Variants in INPP1 observed in about 807,000 individuals in gnomAD.
The protein encoded by INPP1 is inositol polyphosphate-1-phosphatase.
INPP1 carries 18 observed loss-of-function variants against 23.0 expected under a neutral mutation model. The observed-to-expected ratio is 0.78, with a 90% CI of 0.54 to 1.16. The LOEUF (loss-of-function observed/expected upper bound fraction) is 1.16. INPP1 is among the 50% of genes most tolerant of loss of function. The pLI, the probability that INPP1 is intolerant of heterozygous loss-of-function variation, is 0.00. For synonymous variants in INPP1, 164 were observed against 176.3 expected (o/e 0.93, Z 0.55); for missense variants, 448 against 482.1 (o/e 0.93, Z 0.66).
intron 2 of INPP1, among the ~76,000 whole-genome samples, chr2:190,351,933 T>A (rs566351482): frequency 4.6e-5 from 7 of 152,336 alleles, no homozygotes; most frequent in African/African-American, 1.7e-4. Flanking sequence ...TCATAAGAGT[T>A]TCTGTTGCTC....
rs1209471425 is a variant in INPP1, at chr2:190,346,147, TA to T, written c.-209+2190del. Among the ~76,000 whole-genome samples the T allele has an allele frequency of 6.6e-6, 1 of 152,186 alleles. No individual in the cohort carries two copies. Among genetic ancestry groups the T allele is most frequent in the African/African-American group, 2.4e-5 (1 of 41,446 alleles). ...GAGTGGGTAGAGTATAATAGTGGTT[TA>T]AAAGATTCCCAGATTGCAACTTGAG... On this transcript the variant is annotated intron_variant, in intron 1 of 6. Transcript: ENST00000392329. The surrounding 1 kb of genome is among the most constrained non-coding windows in gnomAD (Gnocchi z 5.1).
In INPP1 at chr2:190,345,095, G is replaced by A. The variant is rs1025241426; in HGVS notation, c.-209+1134G>A. ...TGGAAGAATTCATTTTTTCAATACA[G>A]ATATTTGTTTCCATTCTTATGTAGA... On this transcript the variant is annotated intron_variant, in intron 1 of 6. Coordinates refer to ENST00000392329, the MANE Select transcript of INPP1 (RefSeq NM_001128928.2). This position sits in a 1 kb window ranked among gnomAD's most constrained non-coding sequence, Gnocchi z 4.9. Among the ~76,000 whole-genome samples the A allele has an allele frequency of 1.3e-5, 2 of 152,186 alleles. No individual in the cohort carries two copies. The highest frequency in any genetic ancestry group is 1.3e-4 in the Admixed American group (2 of 15,276).
In INPP1 at chr2:190,368,158, T is replaced by C. The variant is rs558799950; in HGVS notation, c.467-945T>C. The stretch of plus-strand genomic sequence containing the variant: ...GTAAATTGGCATCAGTTATAGTTTC[T>C]GAGGGACAGAGATCTCCTGTTTCTT... On this transcript the variant is annotated intron_variant, in intron 5 of 6. Transcript: ENST00000392329. The surrounding 1 kb of genome is among the most constrained non-coding windows in gnomAD (Gnocchi z 4.3). Among the ~76,000 whole-genome samples, 4 of 152,372 alleles carry C rather than the reference T, an allele frequency of 2.6e-5. No homozygotes were observed. The highest frequency in any genetic ancestry group is 9.6e-5 in the African/African-American group (4 of 41,604).
chr2:190,357,523 C>T (rs531239247), intron 2 of INPP1, among the ~76,000 whole-genome samples: 8 of 152,284 alleles, frequency 5.3e-5, no homozygotes, highest in African/African-American at 1.7e-4. Context: ...AACATTAGTG[C>T]ATTGACATAT....
chr2:190,364,757 C>A (rs1282527584), intron 4 of INPP1, among the ~76,000 whole-genome samples: 1 of 151,664 alleles, frequency 6.6e-6, no homozygotes, highest in Non-Finnish European at 1.5e-5. Flanking sequence ...CCTGCCACCA[C>A]GCCTAGCTAA....
At chr2:190,353,635 G>A (rs1310177543) in intron 2 of INPP1, among the ~76,000 whole-genome samples, 2 of 152,154 alleles carry the variant, frequency 1.3e-5, no homozygotes, top group African/African-American at 2.4e-5. Context: ...TCACTGCAAG[G>A]TAACTATTAA....
intron 1 of INPP1, among the ~76,000 whole-genome samples, chr2:190,344,685 C>T (rs1689182132): frequency 6.6e-6 from 1 of 152,178 alleles, no homozygotes; most frequent in East Asian, 1.9e-4. Context: ...AAAGGAAACG[C>T]TTACTTTAGT....
Position 190,366,725 on chromosome 2 carries a change from CAG to C in INPP1, c.299_300del (p.Glu100GlyfsTer8), listed in dbSNP as rs758850283. On this transcript the variant is annotated frameshift_variant, in exon 5 of 7. Coordinates refer to ENST00000392329, the MANE Select transcript of INPP1 (RefSeq NM_001128928.2). LOFTEE classifies it high-confidence loss of function. ...AAGATTACCTTGAGGTTGTGTTCAACAGAGGAGGAAACAGCAGAGCTTCTTAG... is the reference window on the plus strand; with the variant it reads ...AAGATTACCTTGAGGTTGTGTTCAACAGGAGGAAACAGCAGAGCTTCTTAG... 2 of 1,613,156 alleles carry C rather than the reference CAG, an allele frequency of 1.2e-6. No individual in the cohort carries two copies. Among genetic ancestry groups the C allele is most frequent in the Non-Finnish European group, 1.7e-6 (2 of 1,179,156 alleles).
In INPP1 at chr2:190,346,437, T is replaced by A. The variant is rs1689217071; in HGVS notation, c.-208-2451T>A. Among the ~76,000 whole-genome samples, 1 of 152,228 alleles carries A rather than the reference T, an allele frequency of 6.6e-6. No individual in the cohort carries two copies. The highest frequency in any genetic ancestry group is 2.1e-4 in the South Asian group (1 of 4,832). ...TTATATTTTTTTCTGGTCAAGCTTC[T>A]GCTGATCAAATTTAGCAAACATATT... On this transcript the variant is annotated intron_variant, in intron 1 of 6. Transcript: ENST00000392329. This position sits in a 1 kb window ranked among gnomAD's most constrained non-coding sequence, Gnocchi z 5.1.
chr2:190,359,482 G>A (rs2067398), intron 2 of INPP1, among the ~76,000 whole-genome samples: 32,863 of 150,716 alleles, frequency 0.22, 3,916 homozygotes, highest in East Asian at 0.41. Flanking sequence ...GCGTGAACCC[G>A]GGAGGTGGAG....
Position 190,355,828 on chromosome 2 carries a change from G to T in INPP1, c.-64-4211G>T, listed in dbSNP as rs1037016420. 2.6e-5 allele frequency among the ~76,000 whole-genome samples: 4 copies of T among 152,064 alleles called. No homozygotes were observed. The highest frequency in any genetic ancestry group is 5.9e-5 in the Non-Finnish European group (4 of 68,022). On this transcript the variant is annotated intron_variant, in intron 2 of 6. Coordinates refer to ENST00000392329, the MANE Select transcript of INPP1 (RefSeq NM_001128928.2). This position sits in a 1 kb window ranked among gnomAD's most constrained non-coding sequence, Gnocchi z 5.1. ...CTTCATCACGCAGTTATCAAGCCTA[G>T]TACCCATTAGTGATGAAAGAATCTG...
chr2:190,349,128 G>C (rs747128405), intron 2 of INPP1, 97 bp downstream of exon 2: 1 of 152,206 alleles, frequency 6.6e-6, no homozygotes, highest in African/African-American at 2.4e-5. Context: ...AATGAAAAAT[G>C]TTACATTCAA....
chr2:190,352,007 A>G lies in INPP1; in HGVS notation c.-65+2976A>G, dbSNP rs902631181. ...ATTTTAGCTATTCCATTGGATACATAGTGGCACCCTGTTGAGATTTTAAGT... is the reference window on the plus strand; with the variant it reads ...ATTTTAGCTATTCCATTGGATACATGGTGGCACCCTGTTGAGATTTTAAGT... On this transcript the variant is annotated intron_variant, in intron 2 of 6. Transcript: ENST00000392329. The surrounding 1 kb of genome is among the most constrained non-coding windows in gnomAD (Gnocchi z 4.7). 6.6e-6 allele frequency among the ~76,000 whole-genome samples: 1 copy of G among 152,246 alleles called. No individual in the cohort carries two copies. Among genetic ancestry groups the G allele is most frequent in the Non-Finnish European group, 1.5e-5 (1 of 68,040 alleles).
chr2:190,370,794 A>G (rs1689784938), intron 6 of INPP1, 50 bp from the exon 7 acceptor site: 3 of 1,353,604 alleles, frequency 2.2e-6, no homozygotes, highest in Non-Finnish European at 3.1e-6. Flanking sequence ...GACATGAGTA[A>G]TGAAAAACAA....
chr2:190,355,949 T>G lies in INPP1; in HGVS notation c.-64-4090T>G, dbSNP rs1689412796. Among the ~76,000 whole-genome samples the G allele has an allele frequency of 2.7e-5, 4 of 150,506 alleles. No individual in the cohort carries two copies. The highest frequency in any genetic ancestry group is 9.9e-5 in the African/African-American group (4 of 40,236). On this transcript the variant is annotated intron_variant, in intron 2 of 6. Coordinates refer to ENST00000392329, the MANE Select transcript of INPP1 (RefSeq NM_001128928.2). The surrounding 1 kb of genome is among the most constrained non-coding windows in gnomAD (Gnocchi z 5.1). ...AAGTTGAAAAAATAAATAAATTAAT[T>G]AAAAAATCATCTGAAAGATAATTTC...
At chr2:190,351,322 T>A (rs1195131892) in intron 2 of INPP1, among the ~76,000 whole-genome samples, 1 of 152,228 alleles carries the variant, frequency 6.6e-6, no homozygotes, top group Non-Finnish European at 1.5e-5. Context: ...CATACATTTT[T>A]AAAAAACAAA....
At chr2:190,364,893 C>T (rs1188292009) in intron 4 of INPP1, among the ~76,000 whole-genome samples, 5 of 152,012 alleles carry the variant, frequency 3.3e-5, no homozygotes, top group Non-Finnish European at 7.4e-5. Context: ...CATGAGCCAC[C>T]ACGCTCAGCC....
At chr2:190,362,587 G>T (rs1201154593) in intron 3 of INPP1, 40 bp from the exon 4 acceptor site, 1 of 1,308,694 alleles carries the variant, frequency 7.6e-7, no homozygotes, top group Non-Finnish European at 1.1e-6. Flanking sequence ...CATATGTGTG[G>T]GTTTTTGTTT....
In INPP1 at chr2:190,352,625, GCACAAACAACCTC is replaced by G. The variant is rs1360340549; in HGVS notation, c.-65+3597_-65+3609del. On this transcript the variant is annotated intron_variant, in intron 2 of 6. Transcript: ENST00000392329. The surrounding 1 kb of genome is among the most constrained non-coding windows in gnomAD (Gnocchi z 4.7). ...CCACTTCCATTCCCCTGTCCCTTCT[GCACAAACAACCTC>G]CAATCTTTAAAACTACTCCCCAAGG... Among the ~76,000 whole-genome samples, 1 of 151,984 alleles carries G rather than the reference GCACAAACAACCTC, an allele frequency of 6.6e-6. No homozygotes were observed. Among genetic ancestry groups the G allele is most frequent in the Non-Finnish European group, 1.5e-5 (1 of 67,980 alleles).
Sources: allele counts gnomAD v4.1 joint callset (sites outside exome capture counted in the v4.1 genomes callset), GRCh38; gene constraint gnomAD v4.1.1; non-coding constraint Gnocchi (gnomAD v3.1); transcripts MANE v1.5; gene names NCBI Gene and HGNC (gene_info 2026-07-23, HGNC 2026-07-21).